The following TUSC3 variants were observed in gnomAD, a reference collection of about 807,000 sequenced individuals.
TUSC3 encodes the protein tumor suppressor candidate 3.
TUSC3 carries 45 observed loss-of-function variants against 44.8 expected under a neutral mutation model. That is an observed-to-expected ratio of 1.00 (90% CI 0.79 to 1.29). The LOEUF (loss-of-function observed/expected upper bound fraction) is 1.29, where lower values mean the gene tolerates loss of function less well. Ranked by LOEUF, TUSC3 falls within the 50% of genes most tolerant of loss-of-function variation. The probability of loss-of-function intolerance (pLI) is 0.00; values close to 1 mark genes in which losing one functional copy is unlikely to be tolerated. For synonymous variants in TUSC3, 212 were observed against 152.9 expected (o/e 1.39, Z -2.85); for missense variants, 519 against 437.9 (o/e 1.19, Z -1.65).
At chr8:15,830,935 A>AG in the TUSC3 span, among the ~76,000 whole-genome samples, 1 of 152,224 alleles carries the variant, frequency 6.6e-6, no homozygotes, top group Non-Finnish European at 1.5e-5. Context: ...TTAAAAAGGA[A>AG]GCCAAGTGTG....
intron 6 of TUSC3, among the ~76,000 whole-genome samples, chr8:15,697,246 A>G (rs1809208480): frequency 6.6e-6 from 1 of 152,144 alleles, no homozygotes; most frequent in Admixed American, 6.5e-5. Flanking sequence ...TGTTTCATTT[A>G]TCTTTTGTAT....
chr8:15,730,786 A>T (rs1810690464), intron 7 of TUSC3, 57 bp downstream of exon 7: 1 of 1,552,494 alleles, frequency 6.4e-7, no homozygotes, highest in Non-Finnish European at 8.9e-7. Context: ...ACATGTTTTT[A>T]AATTGACATT....
intron 1 of TUSC3, among the ~76,000 whole-genome samples, chr8:15,599,213 C>G (rs1245778119): frequency 6.6e-6 from 1 of 151,724 alleles, no homozygotes; most frequent in Non-Finnish European, 1.5e-5. Flanking sequence ...TGCTAGTTTG[C>G]TATTTGTATA....
chr8:15,478,822 G>T (rs1173319877), intron 1 of TUSC3, among the ~76,000 whole-genome samples: 1 of 152,040 alleles, frequency 6.6e-6, no homozygotes, highest in Non-Finnish European at 1.5e-5. Context: ...GGGTAAAATG[G>T]TATTTCTGTT....
At chr8:15,525,911 G>A (rs1486961460) in intron 2 of TUSC3, among the ~76,000 whole-genome samples, 2 of 152,142 alleles carry the variant, frequency 1.3e-5, no homozygotes, top group African/African-American at 4.8e-5. Flanking sequence ...AGGCAGGCTG[G>A]GAAGACAAAA....
the TUSC3 span, among the ~76,000 whole-genome samples, chr8:15,815,817 A>T: frequency 1.3e-5 from 2 of 152,116 alleles, no homozygotes; most frequent in Non-Finnish European, 2.9e-5. Flanking sequence ...ATGTTTTCTA[A>T]AGGTGAGAGC....
At position 15,743,532 on chromosome 8, in the gene TUSC3, C is replaced by T. The variant is rs1201376691; in HGVS notation, c.863-6C>T. 3.1e-6 allele frequency: 5 copies of T among 1,613,882 alleles called. No homozygotes were observed. The East Asian group carries it at 6.7e-5, about 22-fold the overall frequency. On this transcript the variant is annotated splice_polypyrimidine_tract_variant and splice_region_variant and intron_variant, in intron 7 of 10. Transcript: ENST00000503731. ...ATGTCTACGGCTTCCTTGACAACTACTGCAGATGCCGCTATCACCATGGGG... is the reference window on the plus strand; with the variant it reads ...ATGTCTACGGCTTCCTTGACAACTATTGCAGATGCCGCTATCACCATGGGG...
At chr8:15,441,593 A>C (rs1352884218) in intron 1 of TUSC3, among the ~76,000 whole-genome samples, 1 of 152,248 alleles carries the variant, frequency 6.6e-6, no homozygotes, top group Non-Finnish European at 1.5e-5. Context: ...TATGCTGAGA[A>C]TTAACAAAAG....
chr8:15,743,654 T>C, intron 8 of TUSC3, 42 bp downstream of exon 8: 1 of 1,596,360 alleles, frequency 6.3e-7, no homozygotes, highest in African/African-American at 1.3e-5. Context: ...CGTTTTAGTC[T>C]TAAGATTCAT....
At chr8:15,439,186 A>G (rs567680937) in intron 1 of TUSC3, among the ~76,000 whole-genome samples, 112 of 152,328 alleles carry the variant, frequency 7.4e-4, no homozygotes, top group Non-Finnish European at 3.1e-4. Flanking sequence ...TTCACAAACC[A>G]GACTGAAGTG....
At chr8:15,586,244 G>A (rs529402245) in intron 1 of TUSC3, among the ~76,000 whole-genome samples, 1 of 152,176 alleles carries the variant, frequency 6.6e-6, no homozygotes, top group African/African-American at 2.4e-5. Flanking sequence ...GTTAAGAAGT[G>A]AATTCAAGGT....
intron 6 of TUSC3, among the ~76,000 whole-genome samples, chr8:15,711,067 A>G (rs542782029): frequency 1.1e-4 from 16 of 151,800 alleles, no homozygotes; most frequent in South Asian, 6.2e-4. Context: ...GTCTCTGATA[A>G]TGTAGACATT....
At chr8:15,631,225 G>A (rs1805747919) in intron 2 of TUSC3, among the ~76,000 whole-genome samples, 1 of 152,090 alleles carries the variant, frequency 6.6e-6, no homozygotes, top group South Asian at 2.1e-4. Flanking sequence ...GCTGAGCTAT[G>A]TAGTTTAATT....
At chr8:15,802,461 C>T in the TUSC3 span, among the ~76,000 whole-genome samples, 6,662 of 152,090 alleles carry the variant, frequency 0.044, 177 homozygotes, top group East Asian at 0.066. Flanking sequence ...CTTGCACTGT[C>T]GCCAGGCTGG....
chr8:15,497,173 G>A (rs1017996968), intron 2 of TUSC3, among the ~76,000 whole-genome samples: 1 of 152,196 alleles, frequency 6.6e-6, no homozygotes, highest in African/African-American at 2.4e-5. Flanking sequence ...TTCTTGGTAA[G>A]CATCTCTGAG....
In TUSC3 at chr8:15,594,173, C is replaced by A. The variant is rs115244021; in HGVS notation, c.139-28907C>A. On this transcript the variant is annotated intron_variant, in intron 1 of 10. Coordinates refer to ENST00000503731, the MANE Select transcript of TUSC3 (RefSeq NM_006765.4). Reference sequence around the variant, plus strand: ...AAATTTGTCTTTTTTATTTTAGATTCTTTTTTTGGAATGGCTTCAGTTTAA... The same window carrying A: ...AAATTTGTCTTTTTTATTTTAGATTATTTTTTTGGAATGGCTTCAGTTTAA... Among the ~76,000 whole-genome samples, 663 of 152,136 alleles carry A rather than the reference C, an allele frequency of 4.4e-3. 8 individuals are homozygous for A. The highest frequency in any genetic ancestry group is 0.014 in the African/African-American group (589 of 41,512).
Position 15,665,467 on chromosome 8 carries a change from A to AT in TUSC3, c.708+3179dup, listed in dbSNP as rs1011729845. On this transcript the variant is annotated intron_variant, in intron 5 of 10. Transcript: ENST00000503731. The stretch of plus-strand genomic sequence containing the variant: ...GGGTAGACTGTATTTTAAGGCTCAT[A>AT]TTTTTTTTGTCTTTTTTTTACTGTG... Among the ~76,000 whole-genome samples, 38 of 150,712 alleles carry AT rather than the reference A, an allele frequency of 2.5e-4. No individual in the cohort carries two copies. The East Asian group carries it at 2.9e-3, about 12-fold the overall frequency.
At chr8:15,796,219 G>C in the TUSC3 span, among the ~76,000 whole-genome samples, 2 of 152,260 alleles carry the variant, frequency 1.3e-5, no homozygotes, top group South Asian at 4.2e-4. Context: ...CAATCTGGGT[G>C]GTGCAAGCTG....
chr8:15,774,474 T>C, the TUSC3 span, among the ~76,000 whole-genome samples: 1 of 152,132 alleles, frequency 6.6e-6, no homozygotes, highest in African/African-American at 2.4e-5. Flanking sequence ...GTGCCACAGA[T>C]TGCCAGCAAA....
Sources: allele counts gnomAD v4.1 joint callset (sites outside exome capture counted in the v4.1 genomes callset), GRCh38; gene constraint gnomAD v4.1.1; transcripts MANE v1.5; gene names NCBI Gene and HGNC (gene_info 2026-07-23, HGNC 2026-07-21).